The following HIVEP3 variants were observed in gnomAD, a reference collection of about 807,000 sequenced individuals.
The protein encoded by HIVEP3 is transcription factor HIVEP3.
Under a neutral mutation model 152.8 loss-of-function variants are expected in HIVEP3, and 49 were observed. The observed-to-expected ratio is 0.32, with a 90% confidence interval of 0.26 to 0.41. HIVEP3 has a LOEUF of 0.41. HIVEP3 is among the 10% of genes least tolerant of loss of function. HIVEP3 has a pLI of 1.00. For synonymous variants in HIVEP3, 1,269 were observed against 1,289.0 expected, an observed-to-expected ratio of 0.98 and a Z score of 0.33; for missense variants, 2,790 against 3,103.3, an observed-to-expected ratio of 0.90 and a Z score of 2.40.
intron 1 of HIVEP3, among the ~76,000 whole-genome samples, chr1:41,723,461 AC>A (rs1646705971): frequency 6.6e-6 from 1 of 151,094 alleles, no homozygotes. Flanking sequence ...CAGAAAATGC[AC>A]CCATACCATA....
At chr1:41,963,118 T>C (rs1301203715) in intron 1 of HIVEP3, among the ~76,000 whole-genome samples, 1 of 152,180 alleles carries the variant, frequency 6.6e-6, no homozygotes, top group African/African-American at 2.4e-5. Context: ...TTCATGCCAT[T>C]CTCCTGCCTC....
chr1:41,985,842 A>C (rs1645319503), intron 1 of HIVEP3, among the ~76,000 whole-genome samples: 1 of 152,142 alleles, frequency 6.6e-6, no homozygotes, highest in African/African-American at 2.4e-5. Flanking sequence ...TATGGAGTAG[A>C]TTTGACTCCT....
intron 1 of HIVEP3, among the ~76,000 whole-genome samples, chr1:42,025,970 T>C (rs1422066375): frequency 6.6e-6 from 1 of 151,362 alleles, no homozygotes. Context: ...ACCCAGAGGA[T>C]GAGGTGAGAG....
chr1:41,527,263 ATGCT>A (rs1643002304), intron 5 of HIVEP3, among the ~76,000 whole-genome samples: 2 of 81,960 alleles, frequency 2.4e-5, no homozygotes, highest in Non-Finnish European at 2.6e-5. Flanking sequence ...ACACCCTCAC[ATGCT>A]CACCCTCACA....
intron 1 of HIVEP3, among the ~76,000 whole-genome samples, chr1:41,817,468 T>A (rs1642445837): frequency 6.6e-6 from 1 of 151,932 alleles, no homozygotes; most frequent in Non-Finnish European, 1.5e-5. Flanking sequence ...GTTCCTTACG[T>A]GGGATGCTGG....
intron 2 of HIVEP3, among the ~76,000 whole-genome samples, chr1:41,635,602 G>A (rs1397866856): frequency 4.5e-5 from 1 of 22,456 alleles, no homozygotes; most frequent in Non-Finnish European, 8.9e-5. Flanking sequence ...ACATACGTAT[G>A]TATATATACA....
chr1:41,807,691 T>C (rs2124322597), intron 1 of HIVEP3, among the ~76,000 whole-genome samples: 1 of 152,152 alleles, frequency 6.6e-6, no homozygotes, highest in East Asian at 1.9e-4. Flanking sequence ...TAGCACAGCG[T>C]GGAAAGGGCC....
intron 1 of HIVEP3, among the ~76,000 whole-genome samples, chr1:41,998,191 C>T (rs1645406177): frequency 6.6e-6 from 1 of 151,998 alleles, no homozygotes; most frequent in Admixed American, 6.6e-5. Context: ...AAAAGGAAAG[C>T]CAATATACTA....
intron 1 of HIVEP3, among the ~76,000 whole-genome samples, chr1:41,740,327 G>A (rs1460393122): frequency 6.6e-6 from 1 of 152,238 alleles, no homozygotes. Flanking sequence ...GCCAGAGAGT[G>A]GATGAGTTAA....
intron 2 of HIVEP3, among the ~76,000 whole-genome samples, chr1:41,686,334 A>G (rs2124100018): frequency 6.6e-6 from 1 of 152,270 alleles, no homozygotes; most frequent in South Asian, 2.1e-4. Flanking sequence ...TTGGCCTCCC[A>G]AAGTGCTGGG....
intron 1 of HIVEP3, among the ~76,000 whole-genome samples, chr1:41,782,011 G>GA (rs1359312059): frequency 6.6e-6 from 1 of 152,220 alleles, no homozygotes; most frequent in Non-Finnish European, 1.5e-5. Flanking sequence ...GGATGGAGAA[G>GA]AGTGTGACAC....
chr1:42,000,303 G>A (rs1210721364), intron 1 of HIVEP3, among the ~76,000 whole-genome samples: 2 of 152,198 alleles, frequency 1.3e-5, no homozygotes, highest in African/African-American at 4.8e-5. Context: ...AGTAGATCCA[G>A]GAGAAGAACC....
chr1:41,831,604 G>A (rs1642967277), intron 1 of HIVEP3, among the ~76,000 whole-genome samples: 1 of 152,194 alleles, frequency 6.6e-6, no homozygotes, highest in African/African-American at 2.4e-5. Context: ...TTAAGGATAT[G>A]TTCAACATGG....
At chr1:41,648,184 T>C (rs531253527) in intron 2 of HIVEP3, among the ~76,000 whole-genome samples, 4 of 152,352 alleles carry the variant, frequency 2.6e-5, no homozygotes, top group South Asian at 4.1e-4. Flanking sequence ...CTCCCTCATA[T>C]GGCATTGTGT....
chr1:41,746,007 C>G (rs1647066101), intron 1 of HIVEP3, among the ~76,000 whole-genome samples: 2 of 152,292 alleles, frequency 1.3e-5, no homozygotes, highest in South Asian at 4.2e-4. Context: ...TCACAAAGCA[C>G]CAGCAGCCAG....
intron 3 of HIVEP3, among the ~76,000 whole-genome samples, chr1:41,600,004 A>C (rs1196726974): frequency 6.6e-6 from 1 of 152,218 alleles, no homozygotes; most frequent in African/African-American, 2.4e-5. Flanking sequence ...ATGAAAAATC[A>C]AAACCACGAA....
intron 1 of HIVEP3, among the ~76,000 whole-genome samples, chr1:42,026,386 T>C (rs903317351): frequency 2.0e-5 from 3 of 152,332 alleles, no homozygotes; most frequent in Non-Finnish European, 2.9e-5. Flanking sequence ...AACTTAGGTG[T>C]TCTAGTGTTT....
At position 41,515,749 on chromosome 1, in the gene HIVEP3, G is replaced by A. The variant is rs572798091; in HGVS notation, c.5471-1999C>T. ...TGACGTTGGATACTTTACTTTCTGT[G>A]TGTCTGGTTTCCTCATCTGTAAACT... On this transcript the variant is annotated intron_variant, in intron 7 of 8. Transcript: ENST00000372583. 1.2e-4 allele frequency among the ~76,000 whole-genome samples: 18 copies of A among 152,332 alleles called. No homozygotes were observed. In the East Asian group the frequency reaches 3.5e-3, roughly 29 times the overall value.
rs752551787 is a variant in HIVEP3, at chr1:41,510,980, T to C, written c.6692A>G (p.Asp2231Gly). The C allele has an allele frequency of 1.2e-6, 2 of 1,613,374 alleles. No homozygotes were observed. The highest frequency in any genetic ancestry group is 8.5e-7 in the Non-Finnish European group (1 of 1,179,794). ...WVSGFSGGGSDLTGAREAQER... is the reference protein window; with the variant it reads ...WVSGFSGGGSGLTGAREAQER... Reference sequence around the variant, plus strand: ...CTGGGCCTCCCGGGCCCCTGTCAGGTCGCTGCCACCCCCGGAGAAGCCACT... The same window carrying C: ...CTGGGCCTCCCGGGCCCCTGTCAGGCCGCTGCCACCCCCGGAGAAGCCACT... Residue 2231 changes from aspartate to glycine, a missense_variant, in exon 9 of 9, where the codon GAC becomes GGC. Asp to Gly is a moderately conservative substitution (Grantham distance 94, BLOSUM62 -1). This residue lies in a region of HIVEP3 where 816 missense variants were observed against 806.5 expected (regional missense o/e 1.01). Transcript: ENST00000372583.
Sources: allele counts gnomAD v4.1 joint callset (sites outside exome capture counted in the v4.1 genomes callset), GRCh38; gene constraint gnomAD v4.1.1; regional missense constraint gnomAD v4.1.1; transcripts MANE v1.5; gene names NCBI Gene and HGNC (gene_info 2026-07-23, HGNC 2026-07-21).